WDR88: variants seen among roughly 807,000 people sequenced by gnomAD.
WDR88 encodes the protein WD repeat domain 88.
Under a neutral mutation model 46.8 loss-of-function variants are expected in WDR88, and 40 were observed. The observed-to-expected ratio is 0.86, with a 90% CI of 0.66 to 1.11. WDR88 has a LOEUF of 1.11. Among genes scored for constraint, WDR88 ranks in the 50% most tolerant of loss-of-function variants. The probability of loss-of-function intolerance (pLI) is 0.00; values close to 1 mark genes in which losing one functional copy is unlikely to be tolerated. For synonymous variants in WDR88, 235 were observed against 240.7 expected, an observed-to-expected ratio of 0.98 and a Z score of 0.22; for missense variants, 562 against 602.4, an observed-to-expected ratio of 0.93 and a Z score of 0.70.
intron 9 of WDR88, among the ~76,000 whole-genome samples, chr19:33,164,629 A>G (rs1270820092): frequency 1.3e-5 from 2 of 152,090 alleles, no homozygotes; most frequent in Non-Finnish European, 2.9e-5. Flanking sequence ...GCAGCACTGC[A>G]TCTTGAGATT....
At chr19:33,143,916 A>C (rs1307606515) in intron 2 of WDR88, among the ~76,000 whole-genome samples, 1 of 152,142 alleles carries the variant, frequency 6.6e-6, no homozygotes. Context: ...TTATTTTCCA[A>C]CTGTTTATTA....
chr19:33,157,585 GTATATATGTGTATATATGTA>G (rs1460878467), intron 7 of WDR88, among the ~76,000 whole-genome samples: 6 of 137,142 alleles, frequency 4.4e-5, no homozygotes, highest in South Asian at 4.5e-4. Flanking sequence ...GTATATATAT[GTATATATGTGTATATATGTA>G]TATATATGTG....
chr19:33,175,656 C>A lies in WDR88; in HGVS notation c.*84C>A, dbSNP rs2145433514. On this transcript the variant is annotated 3_prime_UTR_variant, in exon 11 of 11. Transcript: ENST00000355868. ...GCTTTGCAGGGGCTTTCTCTTGGGC[C>A]CCTCCCAGGCTCAGCAGGCCTGTCA... 1 of 1,535,340 alleles carries A rather than the reference C, an allele frequency of 6.5e-7. No individual in the cohort carries two copies. The highest frequency in any genetic ancestry group is 2.4e-4 in the Middle Eastern group (1 of 4,210).
chr19:33,147,059 G>GAA (rs751356097), intron 3 of WDR88, among the ~76,000 whole-genome samples: 2 of 130,478 alleles, frequency 1.5e-5, no homozygotes, highest in South Asian at 2.4e-4. Context: ...TGTCTCTAAG[G>GAA]AAAAAAAAAA....
chr19:33,151,095 C>T (rs374539657), intron 5 of WDR88, 86 bp from the exon 6 acceptor site: 165 of 1,460,900 alleles, frequency 1.1e-4, no homozygotes, highest in Middle Eastern at 5.9e-4. Context: ...GTTTTGTAAT[C>T]GTCACTGGCT....
At chr19:33,133,843 G>T (rs1251880364) in intron 1 of WDR88, among the ~76,000 whole-genome samples, 2 of 152,150 alleles carry the variant, frequency 1.3e-5, no homozygotes, top group Non-Finnish European at 2.9e-5. Context: ...CTCCCTGACC[G>T]CCCGTCTAAA....
intron 1 of WDR88, among the ~76,000 whole-genome samples, chr19:33,134,716 GC>G (rs1220404444): frequency 2.0e-5 from 3 of 151,978 alleles, no homozygotes; most frequent in African/African-American, 4.8e-5. Context: ...CCGGAGAAAA[GC>G]CCGGTCCCAG....
intron 3 of WDR88, among the ~76,000 whole-genome samples, chr19:33,146,516 CCCTT>C (rs1173305421): frequency 7.0e-6 from 1 of 143,534 alleles, no homozygotes; most frequent in Non-Finnish European, 1.5e-5. Flanking sequence ...CTCCCTTCCT[CCCTT>C]CCTTCCTTCT....
intron 8 of WDR88, among the ~76,000 whole-genome samples, chr19:33,161,763 G>A (rs1422317926): frequency 1.3e-5 from 2 of 152,086 alleles, no homozygotes; most frequent in Admixed American, 6.6e-5. Context: ...TCAGGAGTTC[G>A]AGACCAGCCT....
rs1327301382 is a variant in WDR88, at chr19:33,148,721, A to G, written c.541-51A>G. ...CCCAAAGCACTGGGTTTACAGGTGT[A>G]ACACACCACACCTGGCTTAAAACAA... On this transcript the variant is annotated intron_variant, in intron 4 of 10. Transcript: ENST00000355868. The G allele has an allele frequency of 1.9e-6, 3 of 1,611,242 alleles. No individual in the cohort carries two copies. In the South Asian group the frequency reaches 3.3e-5, roughly 18 times the overall value.
At chr19:33,133,827 G>A (rs1048618217) in intron 1 of WDR88, among the ~76,000 whole-genome samples, 1 of 152,210 alleles carries the variant, frequency 6.6e-6, no homozygotes, top group Non-Finnish European at 1.5e-5. Flanking sequence ...CGCTCTTGGG[G>A]AGGCCCTCCC....
chr19:33,173,941 C>G (rs1052602580), intron 10 of WDR88, among the ~76,000 whole-genome samples: 9 of 152,200 alleles, frequency 5.9e-5, no homozygotes, highest in Non-Finnish European at 8.8e-5. Context: ...ACCTCCGCCT[C>G]CCGGGTTCAA....
chr19:33,147,784 A>T, intron 4 of WDR88, 76 bp downstream of exon 4: 3 of 1,385,458 alleles, frequency 2.2e-6, no homozygotes, highest in Non-Finnish European at 3.0e-6. Flanking sequence ...TTTGGGTTGG[A>T]CCCTGGGTAG....
chr19:33,151,739 G>T (rs1973637848), intron 6 of WDR88, among the ~76,000 whole-genome samples: 1 of 152,210 alleles, frequency 6.6e-6, no homozygotes, highest in East Asian at 1.9e-4. Context: ...AATTAGCTGG[G>T]TGTGGTGTCA....
intron 2 of WDR88, among the ~76,000 whole-genome samples, chr19:33,144,262 C>T (rs757421088): frequency 6.6e-6 from 1 of 152,274 alleles, no homozygotes; most frequent in East Asian, 1.9e-4. Flanking sequence ...TGAAGTGGCG[C>T]AATCTTAGCT....
In WDR88 at chr19:33,172,479, G is replaced by A. The variant is rs549083762; in HGVS notation, c.1242+39G>A. 79 of 1,492,902 alleles carry A rather than the reference G, an allele frequency of 5.3e-5. 1 individual carries two copies. The highest frequency in any genetic ancestry group is 5.3e-4 in the Middle Eastern group (3 of 5,710). The allele number at this position is 1,492,902 out of a possible 1,614,324, so 92.5% of individuals were successfully genotyped here. ...AAAATTAAGCCCAGTGAAGGCTTTCGTTAGTTCCCTCTATAAATTAATTTA... is the reference window on the plus strand; with the variant it reads ...AAAATTAAGCCCAGTGAAGGCTTTCATTAGTTCCCTCTATAAATTAATTTA... On this transcript the variant is annotated intron_variant, in intron 10 of 10. Coordinates refer to ENST00000355868, the MANE Select transcript of WDR88 (RefSeq NM_173479.4).
intron 8 of WDR88, among the ~76,000 whole-genome samples, chr19:33,162,208 G>T (rs1156822318): frequency 1.3e-5 from 2 of 150,174 alleles, no homozygotes; most frequent in Non-Finnish European, 3.0e-5. Flanking sequence ...TTTTTTGTTT[G>T]TTTTTTTTTG....
rs368317172 is a variant in WDR88, at chr19:33,164,167, C to T, written c.1081-30C>T. The T allele has an allele frequency of 4.2e-4, 666 of 1,598,540 alleles. 7 individuals are homozygous for T. In the Admixed American group the frequency reaches 8.5e-3, roughly 20 times the overall value. On this transcript the variant is annotated intron_variant, in intron 8 of 10. Transcript: ENST00000355868. ...TGTTCTTTCAAAATTATTTTCTCCA[C>T]GTTTTCATTAAAATTTGATATTTCT...
At chr19:33,169,658 C>A (rs959663990) in intron 9 of WDR88, among the ~76,000 whole-genome samples, 13 of 109,800 alleles carry the variant, frequency 1.2e-4, no homozygotes, top group African/African-American at 4.4e-4. Flanking sequence ...CAGAGTGAGA[C>A]CCAGTCTCAA....
Sources: allele counts gnomAD v4.1 joint callset (sites outside exome capture counted in the v4.1 genomes callset), GRCh38; gene constraint gnomAD v4.1.1; transcripts MANE v1.5; gene names NCBI Gene and HGNC (gene_info 2026-07-23, HGNC 2026-07-21).